The following CTNNA3 variants were observed in gnomAD, a reference collection of about 807,000 sequenced individuals.
CTNNA3 encodes catenin alpha 3.
Under a neutral mutation model 95.7 loss-of-function variants are expected in CTNNA3, and 76 were observed. That is an observed-to-expected ratio of 0.79 (90% CI 0.66 to 0.96). The LOEUF is 0.96. Among genes scored for constraint, CTNNA3 ranks in the 40% least tolerant of loss-of-function variants. The probability of loss-of-function intolerance (pLI) is 0.00; values close to 1 mark genes in which losing one functional copy is unlikely to be tolerated. For synonymous variants in CTNNA3, 431 were observed against 374.4 expected (o/e 1.15, Z -1.74); for missense variants, 1,191 against 1,089.8 (o/e 1.09, Z -1.31).
intron 15 of CTNNA3, among the ~76,000 whole-genome samples, chr10:66,058,250 G>A (rs533274222): frequency 1.4e-4 from 22 of 152,230 alleles, no homozygotes; most frequent in Middle Eastern, 3.4e-3. Flanking sequence ...AACCCTAGCA[G>A]AAGTGAGGCC....
intron 7 of CTNNA3, among the ~76,000 whole-genome samples, chr10:66,806,816 T>C (rs528796755): frequency 6.6e-6 from 1 of 151,164 alleles, no homozygotes; most frequent in South Asian, 2.1e-4. Context: ...ATACACAATG[T>C]GGTATGTGTA....
chr10:66,642,322 T>A (rs1845548788), intron 9 of CTNNA3, among the ~76,000 whole-genome samples: 1 of 148,222 alleles, frequency 6.7e-6, no homozygotes, highest in African/African-American at 2.5e-5. Flanking sequence ...TGATATCAAA[T>A]CTTACATTCC....
At chr10:65,979,769 G>A (rs2078281870) in intron 16 of CTNNA3, among the ~76,000 whole-genome samples, 1 of 152,052 alleles carries the variant, frequency 6.6e-6, no homozygotes, top group Admixed American at 6.6e-5. Flanking sequence ...GGGGAAAAGA[G>A]TAAAGCAGCA....
At chr10:66,716,693 G>A (rs1848461356) in intron 9 of CTNNA3, among the ~76,000 whole-genome samples, 1 of 152,234 alleles carries the variant, frequency 6.6e-6, no homozygotes, top group African/African-American at 2.4e-5. Context: ...TTCTTTCCTG[G>A]ATCTAAGCAT....
chr10:65,994,092 T>C (rs752668310), intron 15 of CTNNA3, among the ~76,000 whole-genome samples: 6 of 152,190 alleles, frequency 3.9e-5, no homozygotes, highest in Admixed American at 2.6e-4. Flanking sequence ...TGTGAGGATT[T>C]ATTTCTGTCA....
intron 5 of CTNNA3, among the ~76,000 whole-genome samples, chr10:67,469,610 G>C (rs369368640): frequency 3.9e-5 from 6 of 151,926 alleles, no homozygotes; most frequent in Admixed American, 6.6e-5. Flanking sequence ...GGCCTGTCGG[G>C]GGGTGGGGGG....
At chr10:66,098,657 T>C (rs2081496310) in intron 14 of CTNNA3, 1 of 152,178 alleles carries the variant, frequency 6.6e-6, no homozygotes, top group South Asian at 2.1e-4. Flanking sequence ...TCTTTTGAAT[T>C]TGAGTTTTTC....
intron 12 of CTNNA3, among the ~76,000 whole-genome samples, chr10:66,329,578 GAAAA>G (rs34732600): frequency 6.0e-5 from 9 of 149,542 alleles, no homozygotes; most frequent in Admixed American, 2.6e-4. Flanking sequence ...ATGTTTCAGG[GAAAA>G]AAAAAAAAAC....
chr10:66,697,836 T>G (rs992364701), intron 9 of CTNNA3, among the ~76,000 whole-genome samples: 1 of 152,142 alleles, frequency 6.6e-6, no homozygotes, highest in Non-Finnish European at 1.5e-5. Flanking sequence ...GTGTATAAAC[T>G]GTGCTAGCAT....
intron 3 of CTNNA3, among the ~76,000 whole-genome samples, chr10:67,547,366 A>C (rs1002085013): frequency 5.9e-5 from 9 of 152,232 alleles, no homozygotes; most frequent in Admixed American, 3.9e-4. Context: ...ATTACCAGTT[A>C]TCAATTATCA....
At chr10:66,383,647 G>C (rs1365153204) in intron 11 of CTNNA3, among the ~76,000 whole-genome samples, 3 of 152,168 alleles carry the variant, frequency 2.0e-5, no homozygotes, top group East Asian at 1.9e-4. Flanking sequence ...ATGATTGTCA[G>C]ATTCACCAAG....
intron 5 of CTNNA3, among the ~76,000 whole-genome samples, chr10:67,231,368 T>C (rs902378312): frequency 1.6e-4 from 24 of 152,212 alleles, no homozygotes; most frequent in African/African-American, 5.8e-4. Flanking sequence ...TCCCTCACCC[T>C]TGACCCCAGA....
At chr10:67,271,502 T>C (rs984125674) in intron 5 of CTNNA3, among the ~76,000 whole-genome samples, 6 of 152,162 alleles carry the variant, frequency 3.9e-5, no homozygotes, top group Non-Finnish European at 1.5e-5. Flanking sequence ...ATTAAACCTC[T>C]TTCCTTTACA....
intron 9 of CTNNA3, among the ~76,000 whole-genome samples, chr10:66,634,289 C>A (rs1484468682): frequency 6.6e-6 from 1 of 151,958 alleles, no homozygotes; most frequent in African/African-American, 2.4e-5. Context: ...AATAAGGTTT[C>A]CAGAAAATAC....
At chr10:66,805,677 G>A (rs1341894010) in intron 7 of CTNNA3, among the ~76,000 whole-genome samples, 2 of 151,904 alleles carry the variant, frequency 1.3e-5, no homozygotes, top group African/African-American at 2.4e-5. Context: ...CAAATTTTAA[G>A]AGGAATCATT....
chr10:67,614,164 T>C (rs531774086), intron 2 of CTNNA3, among the ~76,000 whole-genome samples: 1 of 152,196 alleles, frequency 6.6e-6, no homozygotes, highest in East Asian at 1.9e-4. Context: ...GATTGGTCCA[T>C]TTTACAGAGC....
intron 16 of CTNNA3, among the ~76,000 whole-genome samples, chr10:65,980,942 A>T (rs2078308580): frequency 6.6e-6 from 1 of 152,108 alleles, no homozygotes; most frequent in Non-Finnish European, 1.5e-5. Flanking sequence ...CAAGACAAGG[A>T]TGACCACTTT....
chr10:67,721,392 T>G (rs1432221255), intron 1 of CTNNA3, among the ~76,000 whole-genome samples: 7 of 152,276 alleles, frequency 4.6e-5, no homozygotes, highest in South Asian at 2.1e-4. Context: ...TCTTCACGCT[T>G]TATTTCATTA....
At chr10:66,588,584 C>T (rs566994489) in intron 10 of CTNNA3, among the ~76,000 whole-genome samples, 1 of 152,238 alleles carries the variant, frequency 6.6e-6, no homozygotes, top group South Asian at 2.1e-4. Flanking sequence ...TGCTGTTAGT[C>T]TGATAGGTTT....
Sources: gnomAD v4.1 joint callset for allele counts (sites outside exome capture counted in the v4.1 genomes callset) on GRCh38, gnomAD v4.1.1 for gene constraint, MANE v1.5 for transcripts, NCBI Gene and HGNC (gene_info 2026-07-23, HGNC 2026-07-21) for gene names.